Variants in RMND5B observed in about 807,000 individuals in gnomAD.
RMND5B encodes the protein E3 ubiquitin-protein transferase RMND5B.
In RMND5B, 42 loss-of-function variants were observed where a neutral mutation model predicts 50.4. The ratio of observed to expected loss-of-function variants is 0.83; its 90% CI spans 0.65 to 1.08. The LOEUF (loss-of-function observed/expected upper bound fraction) is 1.08, where lower values mean the gene tolerates loss of function less well. Among genes scored for constraint, RMND5B ranks in the 50% least tolerant of loss-of-function variants. The pLI is 0.00. For synonymous variants in RMND5B, 220 were observed against 210.0 expected, an observed-to-expected ratio of 1.05 and a Z score of -0.41; for missense variants, 463 against 508.5, an observed-to-expected ratio of 0.91 and a Z score of 0.86.
chr5:178,142,655 C>G lies in RMND5B; in HGVS notation c.212C>G (p.Thr71Arg), dbSNP rs367905156. The G allele has an allele frequency of 3.1e-6, 5 of 1,614,096 alleles. No homozygotes were observed. Among genetic ancestry groups the G allele is most frequent in the East Asian group, 4.5e-5 (2 of 44,904 alleles). Residue 71 changes from threonine to arginine, a missense_variant, in exon 4 of 11, where the codon ACG (threonine) becomes AGG (arginine). Physicochemically the swap from Thr to Arg is moderately conservative, Grantham distance 71 (BLOSUM62 -1). Coordinates refer to ENST00000313386, the MANE Select transcript of RMND5B (RefSeq NM_022762.5). ...CAGTGCTGCCGGAAGATCAAAGATA[C>G]GGTGCAGAAACTGGCTTCGGACCAT... ...MSQCCRKIKD[T>R]VQKLASDHKD...
chr5:178,149,505 A>G lies in RMND5B; in HGVS notation c.*1473A>G. 1.7e-6 allele frequency: 1 copy of G among 582,944 alleles called. No homozygotes were observed. The highest frequency in any genetic ancestry group is 3.1e-6 in the Non-Finnish European group (1 of 325,700). The allele number at this position is 582,944 out of a possible 1,614,324, so 36.1% of individuals were successfully genotyped here. A position where few individuals can be genotyped will look rare whatever the true frequency, so the allele number is the denominator to read the frequency against. On this transcript the variant is annotated 3_prime_UTR_variant, in exon 11 of 11. Transcript: ENST00000313386. ...ACTTTCCCCACCCCACATTCTTGGA[A>G]CAGCCTTTAGTTCTACAGGAAATGG...
In RMND5B at chr5:178,148,500, T is replaced by C. The variant is rs1315950436; in HGVS notation, c.*468T>C. 6 of 192,202 alleles carry C rather than the reference T, an allele frequency of 3.1e-5. No individual in the cohort carries two copies. The highest frequency in any genetic ancestry group is 1.1e-4 in the Admixed American group (2 of 18,456). The allele number at this position is 192,202 out of a possible 1,614,324, so 11.9% of individuals were successfully genotyped here. ...AGTATGTACCATCTCCCACTGTAAA[T>C]AGTCCCAGTTAGAACGGAATGCCGT... On this transcript the variant is annotated 3_prime_UTR_variant, in exon 11 of 11. Transcript: ENST00000313386.
At chr5:178,132,990 G>A (rs1561628347) in intron 2 of RMND5B, among the ~76,000 whole-genome samples, 3 of 151,552 alleles carry the variant, frequency 2.0e-5, no homozygotes, top group South Asian at 2.1e-4. Flanking sequence ...TCAGCCTCCC[G>A]AGTAGCTGGG....
chr5:178,135,838 A>T (rs1432698845), intron 2 of RMND5B, among the ~76,000 whole-genome samples: 1 of 152,186 alleles, frequency 6.6e-6, no homozygotes, highest in Non-Finnish European at 1.5e-5. Context: ...TTTTTGAGCC[A>T]TGTTTATTTT....
At chr5:178,132,794 A>G (rs1340917030) in intron 2 of RMND5B, among the ~76,000 whole-genome samples, 1 of 144,530 alleles carries the variant, frequency 6.9e-6, no homozygotes, top group African/African-American at 2.7e-5. Context: ...CCTCACAAAA[A>G]AAAAAAAAAA....
At chr5:178,140,666 C>T (rs1311125632) in intron 3 of RMND5B, among the ~76,000 whole-genome samples, 1 of 151,810 alleles carries the variant, frequency 6.6e-6, no homozygotes, top group African/African-American at 2.4e-5. Context: ...CACATCTCTA[C>T]TAAAAATACA....
chr5:178,142,335 G>A, intron 3 of RMND5B: 1 of 484,100 alleles, frequency 2.1e-6, no homozygotes, highest in Non-Finnish European at 3.7e-6. Flanking sequence ...TCATTTCACA[G>A]CAACCAGTAA....
chr5:178,143,550 C>G, intron 5 of RMND5B, 77 bp from the exon 6 acceptor site: 1 of 1,175,034 alleles, frequency 8.5e-7, no homozygotes. Flanking sequence ...GGCGGGTGAG[C>G]TTTTATTATG....
Position 178,142,380 on chromosome 5 carries a change from G to T in RMND5B, c.140-203G>T, listed in dbSNP as rs910057565. On this transcript the variant is annotated intron_variant, in intron 3 of 10. Transcript: ENST00000313386. ...TGAGGAAATGAAGGCTCCCAGAGGTGAACTGGCTTTTCCCATTTGAGCAGT... is the reference window on the plus strand; with the variant it reads ...TGAGGAAATGAAGGCTCCCAGAGGTTAACTGGCTTTTCCCATTTGAGCAGT... 3 of 601,932 alleles carry T rather than the reference G, an allele frequency of 5.0e-6. No individual in the cohort carries two copies. The South Asian group carries it at 6.6e-5, about 13-fold the overall frequency. The allele number at this position is 601,932 out of a possible 1,614,324, so 37.3% of individuals were successfully genotyped here.
rs773752330 is a variant in RMND5B at position 178,149,786 on chromosome 5, T to C, written c.*1754T>C. ...AGCCTCCTGGTACTCCTCATGGGGC[T>C]TGACCATTATCACACAGGTGGGGCG... On this transcript the variant is annotated 3_prime_UTR_variant, in exon 11 of 11. Coordinates refer to ENST00000313386, the MANE Select transcript of RMND5B (RefSeq NM_022762.5). The C allele has an allele frequency of 6.2e-7, 1 of 1,614,042 alleles. No homozygotes were observed. The highest frequency in any genetic ancestry group is 8.5e-7 in the Non-Finnish European group (1 of 1,179,940).
At chr5:178,141,709 T>C (rs189659139) in intron 3 of RMND5B, 7 of 152,272 alleles carry the variant, frequency 4.6e-5, no homozygotes, top group Admixed American at 3.9e-4. Context: ...CATACATACA[T>C]AGATGAAAAT....
In RMND5B at chr5:178,146,165, A is replaced by T. The variant is rs1755992425; in HGVS notation, c.746A>T (p.Lys249Met). Residue 249 changes from lysine to methionine, a missense_variant, in exon 8 of 11, where the codon AAG becomes ATG. By Grantham distance (95) the Lys-to-Met change is moderately conservative (BLOSUM62 -1). Transcript: ENST00000313386. ...GTGTACCTGCGGCTGGGCTTGGAGA[A>T]GTCACCCTACTGCCACCTGCTGGAC... ...SLVYLRLGLE[K>M]SPYCHLLDSS... 4 of 1,614,176 alleles carry T rather than the reference A, an allele frequency of 2.5e-6. No individual in the cohort carries two copies. The highest frequency in any genetic ancestry group is 3.4e-6 in the Non-Finnish European group (4 of 1,180,032).
At chr5:178,135,972 G>C (rs1444853180) in intron 2 of RMND5B, 2 of 152,134 alleles carry the variant, frequency 1.3e-5, no homozygotes. Context: ...ATCATTAATG[G>C]TTGCTGTACA....
Position 178,138,051 on chromosome 5 carries a change from C to A in RMND5B, c.-12-57C>A. ...GGATCTGAAGAGGTGGTCTGGGCAC[C>A]CTGCCTGCCATGCCACCGTGGCCCA... is the stretch of plus-strand genomic sequence containing the variant. On this transcript the variant is annotated intron_variant, in intron 2 of 10. Coordinates refer to ENST00000313386, the MANE Select transcript of RMND5B (RefSeq NM_022762.5). The surrounding 1 kb of genome is among the most constrained non-coding windows in gnomAD (Gnocchi z 5.1). 2 of 1,510,236 alleles carry A rather than the reference C, an allele frequency of 1.3e-6. No homozygotes were observed. The highest frequency in any genetic ancestry group is 1.8e-6 in the Non-Finnish European group (2 of 1,123,154). The allele number at this position is 1,510,236 out of a possible 1,614,324, so 93.6% of individuals were successfully genotyped here. A position where few individuals can be genotyped will look rare whatever the true frequency, so the allele number is the denominator to read the frequency against.
intron 5 of RMND5B, among the ~76,000 whole-genome samples, 164 bp from the exon 6 acceptor site, chr5:178,143,463 A>T (rs1755799195): frequency 6.6e-6 from 1 of 152,196 alleles, no homozygotes; most frequent in African/African-American, 2.4e-5. Flanking sequence ...CAGGACTGAG[A>T]TGGGAACAAG....
Position 178,142,573 on chromosome 5 carries a change from TTC to T in RMND5B, c.140-6_140-5del, listed in dbSNP as rs1364791039. 1 of 1,603,646 alleles carries T rather than the reference TTC, an allele frequency of 6.2e-7. No individual in the cohort carries two copies. The highest frequency in any genetic ancestry group is 1.1e-5 in the South Asian group (1 of 89,128). On this transcript the variant is annotated splice_region_variant and splice_polypyrimidine_tract_variant and intron_variant, in intron 3 of 10. Transcript: ENST00000313386. ...GCCTCCTCTGTGTCCTTATTCCACT[TTC>T]TCTGCAGCCCTCCAGGGGACCCCTC...
chr5:178,140,490 CT>C (rs1177312207), intron 3 of RMND5B, among the ~76,000 whole-genome samples: 4 of 152,020 alleles, frequency 2.6e-5, no homozygotes, highest in Non-Finnish European at 5.9e-5. Flanking sequence ...ACTTTGATCA[CT>C]TAGTTAAGAT....
At chr5:178,147,490 T>G (rs930122099) in intron 8 of RMND5B, 43 bp from the exon 9 acceptor site, 6 of 1,553,332 alleles carry the variant, frequency 3.9e-6, no homozygotes, top group African/African-American at 2.7e-5. Flanking sequence ...TTTGCCTGTC[T>G]GCTGTGATCT....
Position 178,138,519 on chromosome 5 carries a change from TTGTGTG to T in RMND5B, c.139+285_139+290del, listed in dbSNP as rs10657977. ...TTTTTAACTTTTTTTCATTTTATAA[TTGTGTG>T]TGTGTGTGTGTGTGTGTGTGTGTAG... On this transcript the variant is annotated intron_variant, in intron 3 of 10. Coordinates refer to ENST00000313386, the MANE Select transcript of RMND5B (RefSeq NM_022762.5). The surrounding 1 kb of genome is among the most constrained non-coding windows in gnomAD (Gnocchi z 5.1). 2,025 of 301,458 alleles carry T rather than the reference TTGTGTG, an allele frequency of 6.7e-3. 50 individuals are homozygous for T. Among genetic ancestry groups the T allele is most frequent in the African/African-American group, 0.042 (1,803 of 43,020 alleles). The allele number at this position is 301,458 out of a possible 1,614,324, so 18.7% of individuals were successfully genotyped here.
Sources: gnomAD v4.1 joint callset for allele counts (sites outside exome capture counted in the v4.1 genomes callset) on GRCh38, gnomAD v4.1.1 for gene constraint, Gnocchi (gnomAD v3.1) non-coding constraint, MANE v1.5 for transcripts, NCBI Gene and HGNC (gene_info 2026-07-23, HGNC 2026-07-21) for gene names.